The following PHF3 variants were observed in gnomAD, a reference collection of about 807,000 sequenced individuals.
PHF3 encodes PHD finger protein 3.
A neutral mutation model predicts 178.4 loss-of-function variants in PHF3; 41 were observed. The ratio of observed to expected loss-of-function variants is 0.23; its 90% CI spans 0.18 to 0.30. The LOEUF (loss-of-function observed/expected upper bound fraction) is 0.30. Ranked by LOEUF, PHF3 falls within the 10% of genes least tolerant of loss-of-function variation. The pLI, the probability that PHF3 is intolerant of heterozygous loss-of-function variation, is 1.00. For missense variants in PHF3, 2,346 were observed against 2,398.1 expected (o/e 0.98, Z 0.45); for synonymous variants, 842 against 800.5 (o/e 1.05, Z -0.88).
chr6:63,656,915 C>T (rs1228171637), intron 2 of PHF3, among the ~76,000 whole-genome samples: 2 of 152,166 alleles, frequency 1.3e-5, no homozygotes, highest in African/African-American at 4.8e-5. Flanking sequence ...GGTTGCCTTT[C>T]CTCCAACCCA....
Position 63,713,418 on chromosome 6 carries a change from G to C in PHF3, c.5830G>C (p.Glu1944Gln). 1 of 1,613,988 alleles carries C rather than the reference G, an allele frequency of 6.2e-7. No individual in the cohort carries two copies. The highest frequency in any genetic ancestry group is 8.5e-7 in the Non-Finnish European group (1 of 1,179,952). ...TGAAAAGGAATGGGAGCAAGAATCT[G>C]AAAGGCATAGACGCAGAGACAGAAG... ...RHEKEWEQES[E>Q]RHRRRDRSQD... is the part of the protein sequence containing the mutation. Residue 1944 changes from glutamate (E) to glutamine (Q), a missense_variant, in exon 16 of 16, where the codon GAA becomes CAA. By Grantham distance (29) the Glu-to-Gln change is conservative. Coordinates refer to ENST00000262043, the MANE Select transcript of PHF3 (RefSeq NM_001370348.2).
At chr6:63,650,281 A>G (rs1479658293) in intron 2 of PHF3, among the ~76,000 whole-genome samples, 1 of 152,202 alleles carries the variant, frequency 6.6e-6, no homozygotes, top group East Asian at 1.9e-4. Flanking sequence ...AGGCTGCATT[A>G]TGGCTAGCAA....
chr6:63,638,981 A>G (rs950950407), intron 1 of PHF3, among the ~76,000 whole-genome samples: 1 of 152,174 alleles, frequency 6.6e-6, no homozygotes, highest in Non-Finnish European at 1.5e-5. Context: ...AAGATATTAT[A>G]GTCTGGGAAA....
intron 4 of PHF3, among the ~76,000 whole-genome samples, chr6:63,687,637 G>A (rs929618137): frequency 3.0e-4 from 46 of 152,306 alleles, no homozygotes; most frequent in East Asian, 1.9e-4. Flanking sequence ...AGAGTTGGAA[G>A]CCATGTTAGT....
chr6:63,712,589 CAA>C lies in PHF3; in HGVS notation c.5003_5004del (p.Lys1668ArgfsTer4), dbSNP rs1561986377. 6.2e-7 allele frequency: 1 copy of C among 1,613,826 alleles called. No individual in the cohort carries two copies. Reference sequence around the variant, plus strand: ...GTCAGCCTGTAACTACTTCAGAAAGCAAAGATGGAGATAGTTGCCGGAATGGA... The same window carrying C: ...GTCAGCCTGTAACTACTTCAGAAAGCAGATGGAGATAGTTGCCGGAATGGA... ...RSQPVTTSES[K>X]DGDSCRNGEK... On this transcript the variant is annotated frameshift_variant, in exon 16 of 16. Coordinates refer to ENST00000262043, the MANE Select transcript of PHF3 (RefSeq NM_001370348.2). LOFTEE classifies it high-confidence loss of function.
At chr6:63,700,139 A>G (rs544055783) in intron 8 of PHF3, among the ~76,000 whole-genome samples, 6 of 141,290 alleles carry the variant, frequency 4.2e-5, no homozygotes, top group Admixed American at 3.4e-4. Flanking sequence ...GCTTCTCCAT[A>G]TATGTTGATT....
At chr6:63,706,446 C>T (rs1291157053) in intron 12 of PHF3, among the ~76,000 whole-genome samples, 1 of 152,104 alleles carries the variant, frequency 6.6e-6, no homozygotes, top group Middle Eastern at 3.2e-3. Context: ...CTTTAAAATT[C>T]TCTTTAATTA....
chr6:63,659,592 A>G (rs754886935), intron 2 of PHF3, among the ~76,000 whole-genome samples: 3 of 152,218 alleles, frequency 2.0e-5, no homozygotes, highest in South Asian at 2.1e-4. Flanking sequence ...AGAGCTGTAG[A>G]TACTACAGGT....
intron 3 of PHF3, 33 bp downstream of exon 3, chr6:63,680,194 T>TA: frequency 6.5e-7 from 1 of 1,542,422 alleles, no homozygotes; most frequent in Non-Finnish European, 8.8e-7. Flanking sequence ...GCTAGAAAAT[T>TA]AGAGGTATAG....
rs1368823558 is a variant in PHF3 at position 63,718,811 on chromosome 6, T to A, written c.*5103T>A. Reference sequence around the variant, plus strand: ...GAGTGTGGTTCAGGCAGTTTCTTCTTTTGTAAGCTTTCATAAAACAGCCTT... The same window carrying A: ...GAGTGTGGTTCAGGCAGTTTCTTCTATTGTAAGCTTTCATAAAACAGCCTT... On this transcript the variant is annotated 3_prime_UTR_variant, in exon 16 of 16. Coordinates refer to ENST00000262043, the MANE Select transcript of PHF3 (RefSeq NM_001370348.2). 6.6e-6 allele frequency among the ~76,000 whole-genome samples: 1 copy of A among 151,984 alleles called. No homozygotes were observed. Among genetic ancestry groups the A allele is most frequent in the Non-Finnish European group, 1.5e-5 (1 of 67,920 alleles).
rs754736916 is a variant in PHF3, at chr6:63,639,581, A to T, written c.-26+3431A>T. On this transcript the variant is annotated intron_variant, in intron 1 of 15. Coordinates refer to ENST00000262043, the MANE Select transcript of PHF3 (RefSeq NM_001370348.2). The stretch of plus-strand genomic sequence containing the variant: ...TAAAAATTAATGTGTAGAGTGCATT[A>T]TAGAGTGTAAAAGTGTAGGCTCAGG... Among the ~76,000 whole-genome samples, 3 of 152,190 alleles carry T rather than the reference A, an allele frequency of 2.0e-5. No homozygotes were observed. The South Asian group carries it at 6.2e-4, about 32-fold the overall frequency.
intron 1 of PHF3, among the ~76,000 whole-genome samples, chr6:63,638,304 A>AT (rs1335128687): frequency 3.3e-5 from 5 of 152,042 alleles, no homozygotes; most frequent in Non-Finnish European, 7.4e-5. Flanking sequence ...AAGAGCTTAG[A>AT]TTTTTTTCAT....
chr6:63,710,030 G>A (rs763404365), intron 14 of PHF3, among the ~76,000 whole-genome samples: 2 of 152,024 alleles, frequency 1.3e-5, no homozygotes, highest in Non-Finnish European at 2.9e-5. Context: ...ACAGTCATTC[G>A]ATAAATAAAT....
chr6:63,636,548 C>T (rs970648105), intron 1 of PHF3: 4 of 152,190 alleles, frequency 2.6e-5, no homozygotes, highest in African/African-American at 9.6e-5. Flanking sequence ...TCGCAGGCCC[C>T]CGGATCCGGC....
intron 9 of PHF3, among the ~76,000 whole-genome samples, chr6:63,701,653 C>T (rs1767481068): frequency 6.6e-6 from 1 of 152,138 alleles, no homozygotes; most frequent in Non-Finnish European, 1.5e-5. Flanking sequence ...TAGTTTGAAG[C>T]TCATCTAGAG....
intron 3 of PHF3, among the ~76,000 whole-genome samples, chr6:63,683,360 TC>T (rs1292492020): frequency 6.6e-6 from 1 of 152,120 alleles, no homozygotes; most frequent in Non-Finnish European, 1.5e-5. Context: ...TTTGTGTTTC[TC>T]CTTTCTCCTG....
chr6:63,718,517 A>C lies in PHF3; in HGVS notation c.*4809A>C, dbSNP rs6928288. Among the ~76,000 whole-genome samples the C allele has an allele frequency of 4.8e-3, 735 of 152,204 alleles. 6 individuals carry two copies. Among genetic ancestry groups the C allele is most frequent in the Non-Finnish European group, 8.1e-3 (552 of 67,940 alleles). Reference sequence around the variant, plus strand: ...TAACTTCCAAACTAATTTAGTAAGAAGAGTGTCATTGTCTTGATTTTTGCA... The same window carrying C: ...TAACTTCCAAACTAATTTAGTAAGACGAGTGTCATTGTCTTGATTTTTGCA... On this transcript the variant is annotated 3_prime_UTR_variant, in exon 16 of 16. Transcript: ENST00000262043.
chr6:63,713,269 A>G lies in PHF3; in HGVS notation c.5681A>G (p.Glu1894Gly), dbSNP rs893615250. The change falls in exon 16 of 16, where the codon GAA becomes GGA. Residue 1894 changes from glutamate to glycine, a missense_variant. By Grantham distance (98) the Glu-to-Gly change is moderately conservative (BLOSUM62 -2). This residue lies in a region of PHF3 where 839 missense variants were observed against 806.9 expected (regional missense o/e 1.04). Transcript: ENST00000262043. ...FYQVKDIRRPERRHSDPWGRQ... is the reference protein window; with the variant it reads ...FYQVKDIRRPGRRHSDPWGRQ... ...CAGGTTAAAGACATTCGGAGGCCAG[A>G]AAGGCGCCATAGTGACCCTTGGGGT... 2.0e-5 allele frequency: 33 copies of G among 1,613,964 alleles called. No homozygotes were observed. Among genetic ancestry groups the G allele is most frequent in the Non-Finnish European group, 2.7e-5 (32 of 1,179,984 alleles).
Position 63,712,460 on chromosome 6 carries a change from C to T in PHF3, c.4872C>T (p.Asn1624=), listed in dbSNP as rs1767989274. 6.2e-7 allele frequency: 1 copy of T among 1,613,914 alleles called. No individual in the cohort carries two copies. The highest frequency in any genetic ancestry group is 8.5e-7 in the Non-Finnish European group (1 of 1,179,922). Reference sequence around the variant, plus strand: ...GCAGATCTAATGTAGGAAAAGGAAACATAGATGGTAATGTGAGCTGTAGTG... The same window carrying T: ...GCAGATCTAATGTAGGAAAAGGAAATATAGATGGTAATGTGAGCTGTAGTG... ...SPCRSNVGKG[N]IDGNVSCSEN... Residue 1624 remains asparagine (N), a synonymous_variant, in exon 16 of 16, where the codon AAC becomes AAT. Transcript: ENST00000262043.
Sources: allele counts gnomAD v4.1 joint callset (sites outside exome capture counted in the v4.1 genomes callset), GRCh38; gene constraint gnomAD v4.1.1; regional missense constraint gnomAD v4.1.1; transcripts MANE v1.5; gene names NCBI Gene and HGNC (gene_info 2026-07-23, HGNC 2026-07-21).